Variants in TBC1D9 observed in about 807,000 individuals in gnomAD.
TBC1D9 encodes TBC1 domain family member 9A.
TBC1D9 carries 63 observed loss-of-function variants against 132.0 expected under a neutral mutation model. The ratio of observed to expected loss-of-function variants is 0.48; its 90% CI spans 0.39 to 0.59. TBC1D9 has a LOEUF of 0.59. Ranked by LOEUF, TBC1D9 falls within the 20% of genes least tolerant of loss-of-function variation. The pLI is 0.00. For missense variants in TBC1D9, 1,261 were observed against 1,592.7 expected, an observed-to-expected ratio of 0.79 and a Z score of 3.54; for synonymous variants, 610 against 609.9, an observed-to-expected ratio of 1.00 and a Z score of 0.00.
At position 140,657,077 on chromosome 4, in the gene TBC1D9, AG is replaced by A. The variant is rs1413745596; in HGVS notation, c.2337+19del. The stretch of plus-strand genomic sequence containing the variant: ...TCGAATGCATGGTTAAGCCCTGCTC[AG>A]CCAGGAGACAAGACCTACCTCGTAG... On this transcript the variant is annotated intron_variant, in intron 13 of 20. Coordinates refer to ENST00000442267, the MANE Select transcript of TBC1D9 (RefSeq NM_015130.3). 12 of 1,612,108 alleles carry A rather than the reference AG, an allele frequency of 7.4e-6. No homozygotes were observed. The highest frequency in any genetic ancestry group is 1.3e-5 in the African/African-American group (1 of 74,896).
At chr4:140,718,285 T>G (rs956173254) in intron 1 of TBC1D9, among the ~76,000 whole-genome samples, 1 of 151,758 alleles carries the variant, frequency 6.6e-6, no homozygotes, top group South Asian at 2.1e-4. Context: ...CTATGCACAT[T>G]GGGAGGTGAC....
chr4:140,640,863 C>G (rs1030831781), intron 13 of TBC1D9, among the ~76,000 whole-genome samples: 1 of 138,960 alleles, frequency 7.2e-6, no homozygotes, highest in African/African-American at 3.3e-5. Flanking sequence ...AAGTATATAA[C>G]CCCCCCAAGA....
intron 13 of TBC1D9, among the ~76,000 whole-genome samples, chr4:140,650,657 C>T (rs1041989338): frequency 4.6e-5 from 7 of 152,138 alleles, no homozygotes; most frequent in East Asian, 1.9e-4. Context: ...CTCAGCCTCC[C>T]GAGTAGCTGG....
intron 1 of TBC1D9, among the ~76,000 whole-genome samples, chr4:140,739,834 T>C (rs6837240): frequency 0.31 from 47,627 of 151,966 alleles, 8,698 homozygotes; most frequent in South Asian, 0.45. Flanking sequence ...GACCCTATCA[T>C]ATTGAAAAAA....
At chr4:140,627,889 C>T (rs1369941372) in intron 17 of TBC1D9, among the ~76,000 whole-genome samples, 1 of 152,202 alleles carries the variant, frequency 6.6e-6, no homozygotes, top group Non-Finnish European at 1.5e-5. Flanking sequence ...CCAATCTCAT[C>T]TCATTTTTAA....
intron 13 of TBC1D9, among the ~76,000 whole-genome samples, chr4:140,640,757 T>C (rs1326134829): frequency 6.6e-6 from 1 of 152,098 alleles, no homozygotes; most frequent in Admixed American, 6.5e-5. Flanking sequence ...CAACCAAAAC[T>C]CTTATATACT....
rs1228295067 is a variant in TBC1D9 at position 140,642,590 on chromosome 4, T to C, written c.2338-3162A>G. 3.3e-6 allele frequency: 3 copies of C among 908,908 alleles called. No individual in the cohort carries two copies. In the African/African-American group the frequency reaches 4.9e-5, roughly 15 times the overall value. The allele number at this position is 908,908 out of a possible 1,614,324, so 56.3% of individuals were successfully genotyped here. On this transcript the variant is annotated intron_variant, in intron 13 of 20. Transcript: ENST00000442267. ...GCTTGCCAACTGCTCCTGGTCGCTG[T>C]CCATCTTCTTCTTCTTAATCTTCAG...
chr4:140,736,626 T>A (rs1406069438), intron 1 of TBC1D9, among the ~76,000 whole-genome samples: 2 of 152,004 alleles, frequency 1.3e-5, no homozygotes, highest in Non-Finnish European at 1.5e-5. Flanking sequence ...AGCAGAGCCA[T>A]ATTTGAGAAA....
In TBC1D9 at chr4:140,664,909, C is replaced by A. The variant is rs1195239798; in HGVS notation, c.1589-2802G>T. Among the ~76,000 whole-genome samples the A allele has an allele frequency of 2.6e-5, 4 of 152,134 alleles. No homozygotes were observed. The East Asian group carries it at 7.7e-4, about 29-fold the overall frequency. Reference sequence around the variant, plus strand: ...GTATCACGAGGTCAGGAGTTTGAGACCAGCCTGATGAACATGGTGAAACCC... The same window carrying A: ...GTATCACGAGGTCAGGAGTTTGAGAACAGCCTGATGAACATGGTGAAACCC... On this transcript the variant is annotated intron_variant, in intron 9 of 20. Transcript: ENST00000442267.
chr4:140,741,665 C>G (rs1738760381), intron 1 of TBC1D9, among the ~76,000 whole-genome samples: 1 of 152,172 alleles, frequency 6.6e-6, no homozygotes, highest in Non-Finnish European at 1.5e-5. Flanking sequence ...ATGCAGTGAG[C>G]AGAGATCATG....
intron 2 of TBC1D9, among the ~76,000 whole-genome samples, chr4:140,687,374 ATATATATATATATATATATAT>A (rs1737803247): frequency 1.3e-5 from 1 of 76,736 alleles, no homozygotes; most frequent in African/African-American, 5.9e-5. Flanking sequence ...ATATATATAT[ATATATATATATATATATATAT>A]AAACATATAG....
intron 16 of TBC1D9, among the ~76,000 whole-genome samples, chr4:140,632,213 C>CT (rs1736804921): frequency 6.6e-6 from 1 of 150,858 alleles, no homozygotes. Flanking sequence ...CTGTCACTTT[C>CT]TACATGTAGA....
intron 1 of TBC1D9, among the ~76,000 whole-genome samples, chr4:140,704,939 T>C (rs1330463571): frequency 2.0e-5 from 3 of 152,192 alleles, no homozygotes; most frequent in Non-Finnish European, 4.4e-5. Context: ...AACTAACAGA[T>C]ATACATGTAC....
chr4:140,695,954 T>C (rs1463008846), intron 2 of TBC1D9, among the ~76,000 whole-genome samples: 3 of 152,324 alleles, frequency 2.0e-5, no homozygotes, highest in Middle Eastern at 3.4e-3. Context: ...GTACAAACTA[T>C]TAAGCATAAT....
chr4:140,631,753 C>A (rs531215985), intron 16 of TBC1D9, among the ~76,000 whole-genome samples: 1 of 152,024 alleles, frequency 6.6e-6, no homozygotes, highest in Non-Finnish European at 1.5e-5. Flanking sequence ...CCTGCCACCA[C>A]GCCTGGCTAA....
intron 2 of TBC1D9, among the ~76,000 whole-genome samples, chr4:140,692,470 C>G (rs991375313): frequency 6.6e-6 from 1 of 152,176 alleles, no homozygotes; most frequent in Non-Finnish European, 1.5e-5. Flanking sequence ...AACCTTTAAT[C>G]TGTCCCTGTA....
At chr4:140,675,836 C>A (rs17006325) in intron 6 of TBC1D9, among the ~76,000 whole-genome samples, 10,389 of 152,140 alleles carry the variant, frequency 0.068, 1,144 homozygotes, top group African/African-American at 0.23. Flanking sequence ...TCCTTTAGAC[C>A]AGGGTGCCCT....
intron 2 of TBC1D9, among the ~76,000 whole-genome samples, chr4:140,696,194 ACGCCTG>A (rs1376118732): frequency 4.5e-5 from 3 of 66,408 alleles, no homozygotes; most frequent in African/African-American, 1.6e-4. Context: ...GTGATGGCTC[ACGCCTG>A]TAATCCCAGC....
intron 2 of TBC1D9, among the ~76,000 whole-genome samples, chr4:140,698,462 T>C (rs1035008855): frequency 2.0e-5 from 3 of 152,196 alleles, no homozygotes; most frequent in Admixed American, 6.5e-5. Flanking sequence ...TAAAAAGACA[T>C]AATTATGGCC....
Sources: allele counts gnomAD v4.1 joint callset (sites outside exome capture counted in the v4.1 genomes callset), GRCh38; gene constraint gnomAD v4.1.1; transcripts MANE v1.5; gene names NCBI Gene and HGNC (gene_info 2026-07-23, HGNC 2026-07-21).